The following GRIN3A variants were observed in gnomAD, a reference collection of about 807,000 sequenced individuals.
GRIN3A encodes glutamate receptor ionotropic, NMDA 3A.
In GRIN3A, 47 loss-of-function variants were observed where a neutral mutation model predicts 92.4. The ratio of observed to expected loss-of-function variants is 0.51; its 90% CI spans 0.40 to 0.65. The LOEUF is 0.65. GRIN3A is among the 30% of genes least tolerant of loss of function. The pLI is 0.00. For synonymous variants in GRIN3A, 527 were observed against 540.6 expected, an observed-to-expected ratio of 0.97 and a Z score of 0.35; for missense variants, 1,324 against 1,393.1, an observed-to-expected ratio of 0.95 and a Z score of 0.79.
chr9:101,710,626 C>T (rs1233225675), intron 1 of GRIN3A, among the ~76,000 whole-genome samples: 1 of 152,154 alleles, frequency 6.6e-6, no homozygotes, highest in African/African-American at 2.4e-5. Flanking sequence ...AATCAGTTTA[C>T]TCAAGTTGCT....
At chr9:101,597,302 A>T (rs72745340) in intron 6 of GRIN3A, among the ~76,000 whole-genome samples, 22,651 of 151,990 alleles carry the variant, frequency 0.15, 2,103 homozygotes, top group Non-Finnish European at 0.21. Flanking sequence ...AACCTCATGG[A>T]TGGAGCTGGT....
At chr9:101,671,841 G>A (rs1349874628) in intron 2 of GRIN3A, among the ~76,000 whole-genome samples, 2 of 152,118 alleles carry the variant, frequency 1.3e-5, no homozygotes. Flanking sequence ...TGGTTCTAGA[G>A]AGAGCTTATG....
At chr9:101,682,814 C>T (rs1385603760) in intron 2 of GRIN3A, among the ~76,000 whole-genome samples, 1 of 152,008 alleles carries the variant, frequency 6.6e-6, no homozygotes, top group Non-Finnish European at 1.5e-5. Flanking sequence ...AACCCCGTCT[C>T]TACTAAAAAT....
chr9:101,607,855 G>A (rs906786585), intron 6 of GRIN3A, among the ~76,000 whole-genome samples: 4 of 152,164 alleles, frequency 2.6e-5, no homozygotes, highest in African/African-American at 7.2e-5. Flanking sequence ...AAAAATAGCC[G>A]TTTGAGACTT....
rs10989575 is a variant in GRIN3A, at chr9:101,641,077, G to A, written c.2353-12676C>T. Among the ~76,000 whole-genome samples the A allele has an allele frequency of 7.4e-3, 1,123 of 152,166 alleles. 12 individuals are homozygous for A. Among genetic ancestry groups the A allele is most frequent in the African/African-American group, 0.026 (1,075 of 41,504 alleles). On this transcript the variant is annotated intron_variant, in intron 3 of 8. Coordinates refer to ENST00000361820, the MANE Select transcript of GRIN3A (RefSeq NM_133445.3). The stretch of plus-strand genomic sequence containing the variant: ...TAGTATCAGTAAATTCTTACTAAGC[G>A]TTGGATGAATGAATATGCCTAAAGC...
chr9:101,638,405 A>C (rs2118897092), intron 3 of GRIN3A, among the ~76,000 whole-genome samples: 1 of 152,124 alleles, frequency 6.6e-6, no homozygotes, highest in Admixed American at 6.5e-5. Flanking sequence ...TTCTCATTTT[A>C]TTCATCTGGA....
At chr9:101,573,869 G>A (rs138103998) in intron 8 of GRIN3A, among the ~76,000 whole-genome samples, 1 of 146,290 alleles carries the variant, frequency 6.8e-6, no homozygotes, top group East Asian at 2.1e-4. Context: ...ACCTTGAAAC[G>A]TTTGATGATT....
chr9:101,598,321 C>G (rs747033543), intron 6 of GRIN3A, among the ~76,000 whole-genome samples: 2 of 152,002 alleles, frequency 1.3e-5, no homozygotes, highest in African/African-American at 4.8e-5. Flanking sequence ...TCATAGTGGA[C>G]AGCACAGAGC....
At chr9:101,594,252 G>C in intron 6 of GRIN3A, 2 of 897,222 alleles carry the variant, frequency 2.2e-6, no homozygotes, top group Non-Finnish European at 3.3e-6. Flanking sequence ...AGAATTAATA[G>C]CACTGAGTTG....
chr9:101,608,497 C>CT (rs929804013), intron 6 of GRIN3A, among the ~76,000 whole-genome samples: 9 of 151,374 alleles, frequency 5.9e-5, no homozygotes, highest in Admixed American at 1.3e-4. Flanking sequence ...TTCAAAACAT[C>CT]TTTTTTTTTG....
chr9:101,652,705 T>A (rs1041441014), intron 3 of GRIN3A, among the ~76,000 whole-genome samples: 10 of 152,020 alleles, frequency 6.6e-5, no homozygotes, highest in Non-Finnish European at 1.3e-4. Flanking sequence ...CTAGTTAGCT[T>A]TCACATTTTC....
At chr9:101,724,150 C>T (rs1033310477) in intron 1 of GRIN3A, among the ~76,000 whole-genome samples, 3 of 151,338 alleles carry the variant, frequency 2.0e-5, no homozygotes, top group Non-Finnish European at 2.9e-5. Context: ...TGGGACTGGG[C>T]GCCATGGAGC....
intron 3 of GRIN3A, among the ~76,000 whole-genome samples, chr9:101,630,851 G>C (rs1017484186): frequency 6.6e-6 from 1 of 152,168 alleles, no homozygotes; most frequent in East Asian, 1.9e-4. Flanking sequence ...TCATTTGTTT[G>C]TGTAATACAG....
chr9:101,732,908 C>T (rs4278209), intron 1 of GRIN3A, among the ~76,000 whole-genome samples: 64,237 of 151,910 alleles, frequency 0.42, 13,813 homozygotes, highest in Non-Finnish European at 0.47. Flanking sequence ...AATTACATGG[C>T]TAGTGAGAGA....
intron 3 of GRIN3A, among the ~76,000 whole-genome samples, chr9:101,630,487 A>G (rs1398382576): frequency 6.6e-6 from 1 of 152,206 alleles, no homozygotes; most frequent in Non-Finnish European, 1.5e-5. Flanking sequence ...ATCTTTTTAC[A>G]TAAAGAAACT....
intron 1 of GRIN3A, among the ~76,000 whole-genome samples, chr9:101,693,341 G>A (rs1039539861): frequency 4.6e-5 from 7 of 151,420 alleles, no homozygotes; most frequent in Non-Finnish European, 1.0e-4. Context: ...AGTTGCTTGA[G>A]TCTGGAGGCA....
intron 1 of GRIN3A, among the ~76,000 whole-genome samples, chr9:101,689,887 G>T (rs1829592459): frequency 6.6e-6 from 1 of 152,126 alleles, no homozygotes; most frequent in African/African-American, 2.4e-5. Context: ...AGGAAAATCT[G>T]TGTCTTACAT....
intron 5 of GRIN3A, among the ~76,000 whole-genome samples, chr9:101,619,876 A>C (rs981514211): frequency 6.6e-6 from 1 of 152,178 alleles, no homozygotes; most frequent in African/African-American, 2.4e-5. Context: ...CCCTGCACAC[A>C]ATATGTATTT....
intron 6 of GRIN3A, chr9:101,591,767 G>A (rs1828029711): frequency 6.6e-6 from 1 of 152,196 alleles, no homozygotes; most frequent in African/African-American, 2.4e-5. Flanking sequence ...GATCTTTCAA[G>A]TGCTAAATCC....
Sources: allele counts gnomAD v4.1 joint callset (sites outside exome capture counted in the v4.1 genomes callset), GRCh38; gene constraint gnomAD v4.1.1; transcripts MANE v1.5; gene names NCBI Gene and HGNC (gene_info 2026-07-23, HGNC 2026-07-21).